The following SRD5A2 variants were observed in gnomAD, a reference collection of about 807,000 sequenced individuals.
SRD5A2 encodes the protein 3-oxo-5-alpha-steroid 4-dehydrogenase 2.
A neutral mutation model predicts 27.4 loss-of-function variants in SRD5A2; 30 were observed. That is an observed-to-expected ratio of 1.10 (90% CI 0.82 to 1.49). The LOEUF (loss-of-function observed/expected upper bound fraction) is 1.49, where lower values mean the gene tolerates loss of function less well. Among genes scored for constraint, SRD5A2 ranks in the 40% most tolerant of loss-of-function variants. SRD5A2 has a pLI of 0.00. For synonymous variants in SRD5A2, 141 were observed against 133.6 expected (o/e 1.06, Z -0.38); for missense variants, 348 against 323.4 (o/e 1.08, Z -0.58).
chr2:31,558,122 T>C (rs1024622798), intron 1 of SRD5A2, among the ~76,000 whole-genome samples: 2 of 152,214 alleles, frequency 1.3e-5, no homozygotes, highest in African/African-American at 4.8e-5. Context: ...GTTTCTATAC[T>C]TGAAGAGAAT....
At chr2:31,580,383 G>T (rs1281299083) in intron 1 of SRD5A2, among the ~76,000 whole-genome samples, 1 of 152,182 alleles carries the variant, frequency 6.6e-6, no homozygotes, top group East Asian at 1.9e-4. Context: ...GCTGAGAGCG[G>T]ATGAGGTCCT....
chr2:31,547,156 C>T (rs185974784), intron 1 of SRD5A2, among the ~76,000 whole-genome samples: 126 of 151,968 alleles, frequency 8.3e-4, no homozygotes, highest in African/African-American at 3.0e-3. Flanking sequence ...GCACATAGAC[C>T]TGTGAAATAC....
At chr2:31,617,957 C>T in the SRD5A2 span, among the ~76,000 whole-genome samples, 2 of 152,184 alleles carry the variant, frequency 1.3e-5, no homozygotes, top group Non-Finnish European at 2.9e-5. Context: ...CAGCACCCTA[C>T]TCTACTGGTA....
At chr2:31,597,282 G>T in the SRD5A2 span, among the ~76,000 whole-genome samples, 1 of 152,000 alleles carries the variant, frequency 6.6e-6, no homozygotes, top group African/African-American at 2.4e-5. Context: ...GTAGAAGAAT[G>T]AAACTAGATC....
At chr2:31,591,693 T>C in the SRD5A2 span, among the ~76,000 whole-genome samples, 1 of 147,366 alleles carries the variant, frequency 6.8e-6, no homozygotes, top group Non-Finnish European at 1.5e-5. Flanking sequence ...AAGCCAAATG[T>C]GCAACAATGA....
At chr2:31,547,920 G>C (rs565174700) in intron 1 of SRD5A2, among the ~76,000 whole-genome samples, 2 of 152,176 alleles carry the variant, frequency 1.3e-5, no homozygotes, top group South Asian at 4.2e-4. Context: ...TATAGATATA[G>C]ATATATATCT....
At chr2:31,631,172 T>A in the SRD5A2 span, among the ~76,000 whole-genome samples, 2 of 152,148 alleles carry the variant, frequency 1.3e-5, no homozygotes, top group African/African-American at 2.4e-5. Context: ...TGGGTTGTTA[T>A]GAAATACTCA....
At chr2:31,560,020 AT>A (rs1219315436) in intron 1 of SRD5A2, among the ~76,000 whole-genome samples, 1 of 151,704 alleles carries the variant, frequency 6.6e-6, no homozygotes, top group Non-Finnish European at 1.5e-5. Flanking sequence ...TTTTTAAAAA[AT>A]TGTACGTTCC....
At position 31,580,768 on chromosome 2, in the gene SRD5A2, T is replaced by C. The variant is rs762020997; in HGVS notation, c.133A>G (p.Thr45Ala). The change falls in exon 1 of 5, where the codon ACC becomes GCC. Residue 45 changes from threonine to alanine, a missense_variant. Thr to Ala is a moderately conservative substitution (Grantham distance 58). Coordinates refer to ENST00000622030, the MANE Select transcript of SRD5A2 (RefSeq NM_000348.4). ...KHTESLKPAA[T>A]RLPARAAWFL... The stretch of plus-strand genomic sequence containing the variant: ...CAGGCGGCGCGGGCTGGCAGGCGGG[T>C]AGCCGCCGGCTTCAGGCTCTCCGTG... The C allele has an allele frequency of 1.9e-6, 3 of 1,609,950 alleles. No individual in the cohort carries two copies. Among genetic ancestry groups the C allele is most frequent in the African/African-American group, 1.3e-5 (1 of 75,030 alleles).
the SRD5A2 span, among the ~76,000 whole-genome samples, chr2:31,630,058 C>G: frequency 1.4e-4 from 22 of 152,192 alleles, no homozygotes; most frequent in African/African-American, 4.1e-4. Flanking sequence ...CCATTCCCCA[C>G]CACCCTTGCC....
At chr2:31,607,698 A>C in the SRD5A2 span, among the ~76,000 whole-genome samples, 1 of 152,082 alleles carries the variant, frequency 6.6e-6, no homozygotes, top group Non-Finnish European at 1.5e-5. Flanking sequence ...GCAGAGCATC[A>C]GAAATTGACA....
the SRD5A2 span, among the ~76,000 whole-genome samples, chr2:31,596,199 C>T: frequency 2.0e-5 from 3 of 151,942 alleles, no homozygotes; most frequent in East Asian, 3.9e-4. Flanking sequence ...ACCAGCGTGA[C>T]CAATACAGTG....
At chr2:31,648,816 A>G in the SRD5A2 span, among the ~76,000 whole-genome samples, 1 of 152,184 alleles carries the variant, frequency 6.6e-6, no homozygotes, top group Non-Finnish European at 1.5e-5. Context: ...TGAAGCTTCT[A>G]ATTCACAGTT....
intron 1 of SRD5A2, among the ~76,000 whole-genome samples, chr2:31,534,450 C>A (rs775166771): frequency 5.3e-5 from 8 of 152,172 alleles, no homozygotes; most frequent in Admixed American, 2.0e-4. Context: ...TTGGCACATT[C>A]ATCACAGACT....
intron 1 of SRD5A2, among the ~76,000 whole-genome samples, chr2:31,569,961 T>C (rs545211408): frequency 6.6e-6 from 1 of 152,310 alleles, no homozygotes; most frequent in South Asian, 2.1e-4. Context: ...AAAGAAGAGC[T>C]GGTACCACTC....
chr2:31,523,168 T>C lies in SRD5A2; in HGVS notation c.*3028A>G, dbSNP rs1665695826. ...ACCTTTTTTCCATGCTGAACACACA[T>C]GTTGTCTTGACTACACCAATGAGGG... On this transcript the variant is annotated 3_prime_UTR_variant, in exon 5 of 5. Transcript: ENST00000622030. 1 of 215,776 alleles carries C rather than the reference T, an allele frequency of 4.6e-6. No homozygotes were observed. The highest frequency in any genetic ancestry group is 5.8e-5 in the Admixed American group (1 of 17,174). 13.4% of individuals were successfully genotyped at this position (215,776 alleles called of 1,614,324 possible).
chr2:31,533,472 C>A, intron 2 of SRD5A2, 131 bp downstream of exon 2: 1 of 751,760 alleles, frequency 1.3e-6, no homozygotes, highest in Non-Finnish European at 2.1e-6. Context: ...GAGAAAAGAT[C>A]AGGGTAGAGG....
intron 1 of SRD5A2, among the ~76,000 whole-genome samples, chr2:31,537,415 C>T (rs2148069428): frequency 6.6e-6 from 1 of 152,168 alleles, no homozygotes; most frequent in South Asian, 2.1e-4. Flanking sequence ...GGTGGGGCCA[C>T]CAGAGACCAT....
At chr2:31,583,098 G>A (rs1667108577), upstream of SRD5A2, among the ~76,000 whole-genome samples, 1 of 152,096 alleles carries the variant, frequency 6.6e-6, no homozygotes, top group African/African-American at 2.4e-5. Flanking sequence ...AGAAATCTGG[G>A]CTGGGCTTGA....
Sources: gnomAD v4.1 joint callset for allele counts (sites outside exome capture counted in the v4.1 genomes callset) on GRCh38, gnomAD v4.1.1 for gene constraint, MANE v1.5 for transcripts, NCBI Gene and HGNC (gene_info 2026-07-23, HGNC 2026-07-21) for gene names.